Variants in NUGGC observed in about 807,000 individuals in gnomAD.
NUGGC encodes nuclear GTPase SLIP-GC.
A neutral mutation model predicts 92.6 loss-of-function variants in NUGGC; 58 were observed. That is an observed-to-expected ratio of 0.63 (90% CI 0.51 to 0.78). The LOEUF is 0.78. NUGGC is among the 30% of genes least tolerant of loss of function. The pLI is 0.00. For synonymous variants in NUGGC, 376 were observed against 366.4 expected (o/e 1.03, Z -0.30); for missense variants, 925 against 964.6 (o/e 0.96, Z 0.54).
At chr8:28,044,774 G>A (rs959383298) in intron 12 of NUGGC, among the ~76,000 whole-genome samples, 3 of 152,146 alleles carry the variant, frequency 2.0e-5, no homozygotes, top group African/African-American at 7.2e-5. Context: ...GTGGCTGCAG[G>A]TTGTGGTCAG....
In NUGGC at chr8:28,074,416, G is replaced by A. The variant is rs1293022792; in HGVS notation, c.-6C>T. ...ACATCCTTCGTTTCTGCCATTCCTT[G>A]TTACGTGAACTCCTGCTCTTCTCAG... On this transcript the variant is annotated 5_prime_UTR_variant, in exon 2 of 19. Coordinates refer to ENST00000413272, the MANE Select transcript of NUGGC (RefSeq NM_001010906.2). The A allele has an allele frequency of 6.2e-7, 1 of 1,613,664 alleles. No homozygotes were observed. Among genetic ancestry groups the A allele is most frequent in the South Asian group, 1.1e-5 (1 of 91,010 alleles).
Position 28,022,926 on chromosome 8 carries a change from C to G in NUGGC, c.*391G>C. The G allele has an allele frequency of 6.3e-6, 1 of 159,060 alleles. No homozygotes were observed. The highest frequency in any genetic ancestry group is 1.4e-5 in the Non-Finnish European group (1 of 72,236). The allele number at this position is 159,060 out of a possible 1,614,324, so 9.9% of individuals were successfully genotyped here. On this transcript the variant is annotated 3_prime_UTR_variant, in exon 19 of 19. Coordinates refer to ENST00000413272, the MANE Select transcript of NUGGC (RefSeq NM_001010906.2). ...TCTCTACTAAAAATATAAAAATTAA[C>G]CGGGTGTGGTGGCAGTCGCCTATAA...
At position 28,041,042 on chromosome 8, in the gene NUGGC, G is replaced by T. The variant is rs771375247; in HGVS notation, c.1611+9C>A. The T allele has an allele frequency of 5.0e-6, 8 of 1,593,706 alleles. No individual in the cohort carries two copies. In the Admixed American group the frequency reaches 1.2e-4, roughly 24 times the overall value. ...GAATATCTGAGTTTTCCCTGGAAGG[G>T]TCACTCACCACCAAGCATGCTCTGA... On this transcript the variant is annotated intron_variant, in intron 13 of 18. Transcript: ENST00000413272.
intron 4 of NUGGC, among the ~76,000 whole-genome samples, chr8:28,068,795 G>A (rs1278331660): frequency 1.3e-5 from 2 of 152,122 alleles, no homozygotes; most frequent in Non-Finnish European, 2.9e-5. Flanking sequence ...GGAGTGCAGT[G>A]GTGCAATTAT....
chr8:28,029,470 C>T (rs1033246390), intron 16 of NUGGC, 68 bp from the exon 17 acceptor site: 13 of 1,564,068 alleles, frequency 8.3e-6, no homozygotes, highest in South Asian at 2.3e-5. Flanking sequence ...GCACCATGGC[C>T]GGGCATGGTG....
chr8:28,078,714 G>A (rs188703923), intron 1 of NUGGC, among the ~76,000 whole-genome samples: 234 of 152,236 alleles, frequency 1.5e-3, no homozygotes, highest in Middle Eastern at 3.4e-3. Flanking sequence ...CTTCCGTGTG[G>A]CCAAGAGCAG....
chr8:28,035,495 C>T (rs1809531969), intron 13 of NUGGC, among the ~76,000 whole-genome samples: 1 of 152,164 alleles, frequency 6.6e-6, no homozygotes, highest in Non-Finnish European at 1.5e-5. Flanking sequence ...CTGGTGCTGG[C>T]TCCTGGCCTC....
rs1294312651 is a variant in NUGGC, at chr8:28,064,637, A to G, written c.806T>C (p.Ile269Thr). 1 of 1,613,916 alleles carries G rather than the reference A, an allele frequency of 6.2e-7. No homozygotes were observed. The highest frequency in any genetic ancestry group is 8.5e-7 in the Non-Finnish European group (1 of 1,179,868). ...GGGAAGTGTCACTTCCACATGTTTG[A>G]TCAAGGGCCAGATGCGCATCTCAGC... ...EAAEMRIWPL[I>T]KHVEVTLPKS... The change falls in exon 7 of 19, where the codon ATC (isoleucine) becomes ACC (threonine). Residue 269 changes from isoleucine (I) to threonine (T), a missense_variant. Transcript: ENST00000413272.
chr8:28,075,713 A>G (rs1810705593), intron 1 of NUGGC, among the ~76,000 whole-genome samples: 2 of 152,180 alleles, frequency 1.3e-5, no homozygotes, highest in Non-Finnish European at 2.9e-5. Context: ...TAAAATCACC[A>G]TTCATCAGTT....
intron 5 of NUGGC, 35 bp from the exon 6 acceptor site, chr8:28,067,779 C>T (rs1346353973): frequency 4.6e-6 from 7 of 1,518,548 alleles, no homozygotes; most frequent in Non-Finnish European, 6.4e-6. Context: ...CCCCTCTTGA[C>T]ACAGACACAG....
chr8:28,046,185 T>C (rs1030384703), intron 11 of NUGGC, among the ~76,000 whole-genome samples: 2 of 152,172 alleles, frequency 1.3e-5, no homozygotes, highest in Non-Finnish European at 2.9e-5. Context: ...TCTACCCTTT[T>C]CCCCATTATT....
intron 13 of NUGGC, among the ~76,000 whole-genome samples, 178 bp from the exon 14 acceptor site, chr8:28,033,875 C>T (rs1296498832): frequency 6.6e-6 from 1 of 152,176 alleles, no homozygotes; most frequent in African/African-American, 2.4e-5. Flanking sequence ...GCCTCTAGGT[C>T]GTCTGGGTGC....
chr8:28,067,492 G>A, intron 6 of NUGGC, 22 bp downstream of exon 6: 1 of 1,533,220 alleles, frequency 6.5e-7, no homozygotes. Context: ...TGAAATCAAG[G>A]AAAAAACGAA....
chr8:28,080,238 A>G (rs1158512285), intron 1 of NUGGC, among the ~76,000 whole-genome samples: 2 of 151,992 alleles, frequency 1.3e-5, no homozygotes, highest in Non-Finnish European at 2.9e-5. Flanking sequence ...CACCATGCCC[A>G]ACCTTACTGC....
chr8:28,079,326 G>A (rs1200864134), intron 1 of NUGGC, among the ~76,000 whole-genome samples: 2 of 152,124 alleles, frequency 1.3e-5, no homozygotes, highest in African/African-American at 2.4e-5. Context: ...TGGATCACAA[G>A]GTCAGGAGTT....
intron 6 of NUGGC, among the ~76,000 whole-genome samples, chr8:28,066,479 T>C (rs192039790): frequency 6.6e-6 from 1 of 152,338 alleles, no homozygotes; most frequent in East Asian, 1.9e-4. Flanking sequence ...CATTAATATT[T>C]AAGGAAGATT....
intron 1 of NUGGC, among the ~76,000 whole-genome samples, chr8:28,076,156 A>AT (rs995425983): frequency 8.5e-5 from 13 of 152,194 alleles, no homozygotes; most frequent in South Asian, 8.3e-4. Context: ...AGAGGACTGC[A>AT]TTTTTTTCAG....
intron 11 of NUGGC, 66 bp from the exon 12 acceptor site, chr8:28,045,726 A>G: frequency 1.3e-6 from 2 of 1,535,532 alleles, no homozygotes; most frequent in Non-Finnish European, 1.8e-6. Context: ...AGAATTCATA[A>G]AAGTTGAAAG....
chr8:28,047,414 T>G (rs1273725546), intron 11 of NUGGC, 93 bp downstream of exon 11: 2 of 738,426 alleles, frequency 2.7e-6, no homozygotes, highest in Non-Finnish European at 4.5e-6. Context: ...AAAAATTGTT[T>G]GTGTGGCACA....
Sources: allele counts gnomAD v4.1 joint callset (sites outside exome capture counted in the v4.1 genomes callset), GRCh38; gene constraint gnomAD v4.1.1; transcripts MANE v1.5; gene names NCBI Gene and HGNC (gene_info 2026-07-23, HGNC 2026-07-21).